GRK3: variants seen among roughly 807,000 people sequenced by gnomAD.
GRK3 encodes G protein-coupled receptor kinase 3, also known as adrenergic, beta, receptor kinase 2.
GRK3 carries 54 observed loss-of-function variants against 95.7 expected under a neutral mutation model. The observed-to-expected ratio is 0.56, with a 90% CI of 0.45 to 0.71. The LOEUF (loss-of-function observed/expected upper bound fraction) is 0.71. Among genes scored for constraint, GRK3 ranks in the 30% least tolerant of loss-of-function variants. GRK3 has a pLI of 0.00. For missense variants in GRK3, 649 were observed against 851.2 expected (o/e 0.76, Z 2.96); for synonymous variants, 281 against 290.8 (o/e 0.97, Z 0.34).
chr22:25,672,719 C>T (rs1423105516), intron 7 of GRK3, among the ~76,000 whole-genome samples: 3 of 152,044 alleles, frequency 2.0e-5, no homozygotes, highest in African/African-American at 7.2e-5. Context: ...TATAATAATA[C>T]AAATTGAGTA....
chr22:25,700,659 C>G (rs1473974364), intron 13 of GRK3, among the ~76,000 whole-genome samples: 1 of 152,186 alleles, frequency 6.6e-6, no homozygotes, highest in Admixed American at 6.5e-5. Flanking sequence ...GTGATCTTGG[C>G]TCACTGCAAG....
intron 19 of GRK3, among the ~76,000 whole-genome samples, chr22:25,719,734 C>T (rs1244586242): frequency 6.7e-6 from 1 of 148,518 alleles, no homozygotes; most frequent in Non-Finnish European, 1.5e-5. Flanking sequence ...GTAAGCAGGA[C>T]GATGGTCCCA....
At chr22:25,583,993 A>T (rs943813732) in intron 1 of GRK3, among the ~76,000 whole-genome samples, 2 of 152,262 alleles carry the variant, frequency 1.3e-5, no homozygotes, top group African/African-American at 4.8e-5. Context: ...TATGTGAGAA[A>T]AATACTAGAG....
At chr22:25,636,645 T>G (rs974634149) in intron 2 of GRK3, among the ~76,000 whole-genome samples, 1 of 152,218 alleles carries the variant, frequency 6.6e-6, no homozygotes, top group Non-Finnish European at 1.5e-5. Flanking sequence ...ACATAACCCC[T>G]ACCTCTATCA....
At chr22:25,676,164 G>C (rs1048295797) in intron 8 of GRK3, among the ~76,000 whole-genome samples, 3 of 151,728 alleles carry the variant, frequency 2.0e-5, no homozygotes, top group Non-Finnish European at 2.9e-5. Context: ...ACCCTGGTCA[G>C]TTTCACTGAA....
intron 1 of GRK3, among the ~76,000 whole-genome samples, chr22:25,594,013 G>T (rs1369639675): frequency 6.6e-6 from 1 of 152,134 alleles, no homozygotes; most frequent in East Asian, 1.9e-4. Context: ...TAGCCTTATG[G>T]TATAGTTTGA....
chr22:25,704,979 T>TC (rs1342516616), intron 15 of GRK3, among the ~76,000 whole-genome samples: 1 of 152,146 alleles, frequency 6.6e-6, no homozygotes, highest in Non-Finnish European at 1.5e-5. Flanking sequence ...GTATCTCTTC[T>TC]CCCCCAGGCT....
At chr22:25,673,892 C>T (rs1466928753) in intron 7 of GRK3, among the ~76,000 whole-genome samples, 1 of 152,006 alleles carries the variant, frequency 6.6e-6, no homozygotes, top group Non-Finnish European at 1.5e-5. Context: ...ACATGGCCAG[C>T]ATGAGTCCTC....
intron 3 of GRK3, chr22:25,647,486 C>T (rs1317510636): frequency 2.9e-6 from 4 of 1,378,104 alleles, no homozygotes; most frequent in East Asian, 2.3e-5. Context: ...AGGTGGGCAT[C>T]TTCCTCATTC....
rs375581773 is a variant in GRK3, at chr22:25,714,419, C to T, written c.1503C>T (p.Cys501=). The stretch of plus-strand genomic sequence containing the variant: ...CTTAAAATAATCAGCTACTTGATTG[C>T]GACCAAGAACTCTACAAGAACTTCC... ...EDTKGIKLLD[C]DQELYKNFPL... Residue 501 remains cysteine, a synonymous_variant, in exon 18 of 21, where the codon TGC becomes TGT. Transcript: ENST00000324198. 18 of 1,596,286 alleles carry T rather than the reference C, an allele frequency of 1.1e-5. No individual in the cohort carries two copies. Among genetic ancestry groups the T allele is most frequent in the South Asian group, 4.6e-5 (4 of 86,402 alleles).
intron 3 of GRK3, among the ~76,000 whole-genome samples, chr22:25,654,763 C>G (rs2084858020): frequency 1.3e-5 from 2 of 152,166 alleles, no homozygotes; most frequent in Non-Finnish European, 2.9e-5. Context: ...TTCCTAAGTA[C>G]TTATTGCAGA....
intron 1 of GRK3, chr22:25,580,660 A>C (rs1401756462): frequency 6.6e-6 from 1 of 152,124 alleles, no homozygotes; most frequent in Non-Finnish European, 1.5e-5. Flanking sequence ...CAGCCTCCCA[A>C]CTAGCTGGGA....
intron 1 of GRK3, among the ~76,000 whole-genome samples, chr22:25,585,246 T>C (rs1233437255): frequency 6.6e-6 from 1 of 152,300 alleles, no homozygotes; most frequent in Non-Finnish European, 1.5e-5. Context: ...GGAAGTAGCA[T>C]GTTTCACTCA....
chr22:25,691,682 G>C (rs1190699724), intron 12 of GRK3, among the ~76,000 whole-genome samples: 1 of 152,182 alleles, frequency 6.6e-6, no homozygotes, highest in South Asian at 2.1e-4. Context: ...TTTCAGTTTA[G>C]TATAGTCATA....
intron 2 of GRK3, among the ~76,000 whole-genome samples, chr22:25,628,169 T>G (rs910247552): frequency 2.0e-5 from 3 of 152,192 alleles, no homozygotes; most frequent in Admixed American, 6.5e-5. Flanking sequence ...ATCTTTCAAA[T>G]TGATAAAAAG....
chr22:25,646,943 C>T (rs1053628553), intron 3 of GRK3, among the ~76,000 whole-genome samples: 1 of 150,614 alleles, frequency 6.6e-6, no homozygotes, highest in Non-Finnish European at 1.5e-5. Flanking sequence ...ATCACTTGAA[C>T]CCGGGAGGCA....
At chr22:25,598,794 T>A (rs1288243942) in intron 1 of GRK3, among the ~76,000 whole-genome samples, 5 of 151,884 alleles carry the variant, frequency 3.3e-5, no homozygotes, top group Non-Finnish European at 5.9e-5. Context: ...CAGAGAGAAC[T>A]TAGACTGGTT....
intron 1 of GRK3, among the ~76,000 whole-genome samples, chr22:25,596,376 T>G (rs1397949007): frequency 6.6e-6 from 1 of 152,268 alleles, no homozygotes; most frequent in East Asian, 1.9e-4. Context: ...TGAACTATTC[T>G]GCTTCAATCA....
chr22:25,583,859 T>G (rs1198248371), intron 1 of GRK3, among the ~76,000 whole-genome samples: 4 of 152,254 alleles, frequency 2.6e-5, no homozygotes, highest in African/African-American at 7.2e-5. Flanking sequence ...TGAATTCATT[T>G]GAATGTGCAG....
Sources: allele counts gnomAD v4.1 joint callset (sites outside exome capture counted in the v4.1 genomes callset), GRCh38; gene constraint gnomAD v4.1.1; transcripts MANE v1.5; gene names NCBI Gene and HGNC (gene_info 2026-07-23, HGNC 2026-07-21).